Variants in ROCK2 observed in about 807,000 individuals in gnomAD.
ROCK2 encodes the protein rho-associated protein kinase 2.
Under a neutral mutation model 195.1 loss-of-function variants are expected in ROCK2, and 61 were observed. The ratio of observed to expected loss-of-function variants is 0.31; its 90% CI spans 0.25 to 0.39. ROCK2 has a LOEUF of 0.39. Among genes scored for constraint, ROCK2 ranks in the 10% least tolerant of loss-of-function variants. ROCK2 has a pLI of 1.00. For synonymous variants in ROCK2, 504 were observed against 545.5 expected (o/e 0.92, Z 1.06); for missense variants, 1,109 against 1,637.4 (o/e 0.68, Z 5.57).
intron 1 of ROCK2, among the ~76,000 whole-genome samples, chr2:11,318,818 A>G (rs1344244477): frequency 6.6e-6 from 1 of 152,218 alleles, no homozygotes; most frequent in Non-Finnish European, 1.5e-5. Flanking sequence ...AGCTTTCTAC[A>G]TATGGCCAGC....
Position 11,221,247 on chromosome 2 carries a change from C to T in ROCK2, c.1210G>A (p.Val404Ile). ...CCGATGAAAGGCAGCTGATTTCCAA[C>T]AAAAGCTTTAGGAATTGGGAAGGTT... is the stretch of plus-strand genomic sequence containing the variant. Reference protein sequence around the residue: ...VETFPIPKAFVGNQLPFIGFT... With the variant: ...VETFPIPKAFIGNQLPFIGFT... Residue 404 changes from valine (V) to isoleucine (I), a missense_variant, in exon 9 of 33, where the codon GTT becomes ATT. By Grantham distance (29) the Val-to-Ile change is conservative. Transcript: ENST00000315872. 1 of 1,584,766 alleles carries T rather than the reference C, an allele frequency of 6.3e-7. No individual in the cohort carries two copies.
rs184505078 is a variant in ROCK2, at chr2:11,277,290, C to T, written c.324+9249G>A. Among the ~76,000 whole-genome samples the T allele has an allele frequency of 7.6e-4, 115 of 152,310 alleles. 1 individual carries two copies. Among genetic ancestry groups the T allele is most frequent in the Admixed American group, 2.9e-3 (45 of 15,302 alleles). On this transcript the variant is annotated intron_variant, in intron 3 of 32. Coordinates refer to ENST00000315872, the MANE Select transcript of ROCK2 (RefSeq NM_004850.5). ...TGCCCCACAAATCCGCTGTGCTCCA[C>T]CCATTCACCCCTTCACAACCTTCTG... is the stretch of plus-strand genomic sequence containing the variant.
intron 32 of ROCK2, among the ~76,000 whole-genome samples, chr2:11,189,010 C>G (rs534823468): frequency 6.6e-6 from 1 of 151,120 alleles, no homozygotes; most frequent in Non-Finnish European, 1.5e-5. Context: ...ACACTCCAGC[C>G]TGGGTGACAG....
intron 8 of ROCK2, among the ~76,000 whole-genome samples, chr2:11,221,647 C>CA (rs1664641663): frequency 6.6e-6 from 1 of 152,210 alleles, no homozygotes; most frequent in South Asian, 2.1e-4. Flanking sequence ...AATCTCGAAA[C>CA]AGAAATATTT....
intron 1 of ROCK2, among the ~76,000 whole-genome samples, chr2:11,309,280 T>C (rs1268414124): frequency 1.3e-5 from 2 of 152,210 alleles, no homozygotes; most frequent in Admixed American, 6.5e-5. Context: ...GCACACGTTA[T>C]ATGAAAACAC....
chr2:11,248,920 G>A (rs960036739), intron 4 of ROCK2, among the ~76,000 whole-genome samples: 28 of 151,346 alleles, frequency 1.9e-4, no homozygotes, highest in Admixed American at 5.3e-4. Context: ...TGTTTTAGAC[G>A]GAGTCTTGCT....
intron 1 of ROCK2, among the ~76,000 whole-genome samples, chr2:11,343,491 A>T (rs1290875980): frequency 6.6e-6 from 1 of 152,228 alleles, no homozygotes; most frequent in African/African-American, 2.4e-5. Flanking sequence ...ACGCAAGTGA[A>T]AACAGCAAAA....
At chr2:11,311,762 C>T (rs564958187) in intron 1 of ROCK2, among the ~76,000 whole-genome samples, 19 of 149,846 alleles carry the variant, frequency 1.3e-4, no homozygotes, top group Middle Eastern at 3.4e-3. Flanking sequence ...AGCGCACACG[C>T]GCGTGCACAC....
chr2:11,287,505 T>C, intron 2 of ROCK2, 150 bp downstream of exon 2: 1 of 347,886 alleles, frequency 2.9e-6, no homozygotes, highest in Non-Finnish European at 5.4e-6. Flanking sequence ...AAAGTAACAA[T>C]TTTTGAATAA....
chr2:11,198,443 T>TAA, intron 25 of ROCK2, 48 bp downstream of exon 25: 1 of 1,298,840 alleles, frequency 7.7e-7, no homozygotes. Context: ...GTAAAAGAGA[T>TAA]AAACTGAGAC....
chr2:11,219,336 CAAAAAAA>C (rs35159426), intron 9 of ROCK2, among the ~76,000 whole-genome samples: 196 of 67,374 alleles, frequency 2.9e-3, no homozygotes, highest in African/African-American at 9.9e-3. Context: ...CTTATCTCTA[CAAAAAAA>C]AAAAAAAAAA....
At chr2:11,325,772 TAG>T (rs1159621385) in intron 1 of ROCK2, among the ~76,000 whole-genome samples, 5 of 152,052 alleles carry the variant, frequency 3.3e-5, no homozygotes, top group Admixed American at 1.3e-4. Flanking sequence ...GATAAAAGAC[TAG>T]AAAAGCTGGG....
intron 1 of ROCK2, among the ~76,000 whole-genome samples, chr2:11,323,788 A>T (rs1022166549): frequency 4.6e-5 from 7 of 152,068 alleles, no homozygotes; most frequent in Non-Finnish European, 7.4e-5. Flanking sequence ...CACTATCAAC[A>T]TCCCTCACCA....
chr2:11,211,424 T>C (rs12465116), intron 18 of ROCK2, among the ~76,000 whole-genome samples: 60,006 of 151,922 alleles, frequency 0.39, 13,373 homozygotes, highest in Admixed American at 0.51. Flanking sequence ...TATTGAGAAA[T>C]ATTAATTTAT....
chr2:11,274,377 T>C (rs1055246052), intron 3 of ROCK2, among the ~76,000 whole-genome samples: 1 of 152,062 alleles, frequency 6.6e-6, no homozygotes, highest in Non-Finnish European at 1.5e-5. Context: ...CTAGATGGAC[T>C]AATTAAAAAA....
chr2:11,342,771 C>T (rs1669145936), intron 1 of ROCK2, among the ~76,000 whole-genome samples: 1 of 152,206 alleles, frequency 6.6e-6, no homozygotes, highest in Non-Finnish European at 1.5e-5. Context: ...AAACATCAAA[C>T]ACATGTGACA....
Position 11,282,794 on chromosome 2 carries a change from T to C in ROCK2, c.324+3745A>G, listed in dbSNP as rs79371401. The stretch of plus-strand genomic sequence containing the variant: ...AATTGTCTACTACTCAAAGACAATG[T>C]CAAGAGGATGAGAAGAAAAACCAAA... On this transcript the variant is annotated intron_variant, in intron 3 of 32. Transcript: ENST00000315872. 2.2e-4 allele frequency among the ~76,000 whole-genome samples: 33 copies of C among 152,090 alleles called. No individual in the cohort carries two copies. In the East Asian group the frequency reaches 5.0e-3, roughly 23 times the overall value.
chr2:11,227,238 TA>T lies in ROCK2; in HGVS notation c.868+15del, dbSNP rs775715506. ...TAAGAAGCATTTTGAAAAAAGAAGT[TA>T]AAATATTTACTTACCCACTAGCATC... is the stretch of plus-strand genomic sequence containing the variant. On this transcript the variant is annotated intron_variant, in intron 6 of 32. Coordinates refer to ENST00000315872, the MANE Select transcript of ROCK2 (RefSeq NM_004850.5). The T allele has an allele frequency of 1.3e-6, 2 of 1,596,310 alleles. No homozygotes were observed. The highest frequency in any genetic ancestry group is 2.7e-5 in the African/African-American group (2 of 73,958).
intron 3 of ROCK2, among the ~76,000 whole-genome samples, chr2:11,255,381 GA>G (rs1228287725): frequency 1.3e-5 from 2 of 150,500 alleles, no homozygotes; most frequent in East Asian, 3.9e-4. Flanking sequence ...CAAAACCCCA[GA>G]GTCTCTACCA....
Sources: gnomAD v4.1 joint callset for allele counts (sites outside exome capture counted in the v4.1 genomes callset) on GRCh38, gnomAD v4.1.1 for gene constraint, MANE v1.5 for transcripts, NCBI Gene and HGNC (gene_info 2026-07-23, HGNC 2026-07-21) for gene names.